Variants in CTNNA3 observed in about 807,000 individuals in gnomAD.
The protein encoded by CTNNA3 is catenin alpha-3.
Under a neutral mutation model 95.7 loss-of-function variants are expected in CTNNA3, and 76 were observed. The observed-to-expected ratio is 0.79, with a 90% CI of 0.66 to 0.96. The LOEUF is 0.96. Among genes scored for constraint, CTNNA3 ranks in the 40% least tolerant of loss-of-function variants. The probability of loss-of-function intolerance (pLI) is 0.00; values close to 1 mark genes in which losing one functional copy is unlikely to be tolerated. For missense variants in CTNNA3, 1,191 were observed against 1,089.8 expected, an observed-to-expected ratio of 1.09 and a Z score of -1.31; for synonymous variants, 431 against 374.4, an observed-to-expected ratio of 1.15 and a Z score of -1.74.
intron 12 of CTNNA3, among the ~76,000 whole-genome samples, chr10:66,293,045 GATATGT>G (rs2091712776): frequency 6.6e-6 from 1 of 151,950 alleles, no homozygotes; most frequent in Non-Finnish European, 1.5e-5. Flanking sequence ...TTTACTTATT[GATATGT>G]ATAAGTTTTG....
At chr10:66,761,778 A>T (rs886826819) in intron 9 of CTNNA3, among the ~76,000 whole-genome samples, 1 of 152,174 alleles carries the variant, frequency 6.6e-6, no homozygotes, top group East Asian at 1.9e-4. Context: ...TTGAATTGTC[A>T]GAAACTTTTT....
rs971604351 is a variant in CTNNA3 at position 66,073,407 on chromosome 10, CA to C, written c.1978-3919del. On this transcript the variant is annotated intron_variant, in intron 14 of 17. Transcript: ENST00000433211. ...CCATCACTGCTATGAAGATTACTTC[CA>C]AACAACCTCTTCAGTCCTGTTCTCC... is the stretch of plus-strand genomic sequence containing the variant. 1.9e-4 allele frequency among the ~76,000 whole-genome samples: 29 copies of C among 152,214 alleles called. No homozygotes were observed. In the South Asian group the frequency reaches 2.3e-3, roughly 12 times the overall value.
At chr10:66,514,893 T>C (rs2132003328) in intron 11 of CTNNA3, among the ~76,000 whole-genome samples, 1 of 152,232 alleles carries the variant, frequency 6.6e-6, no homozygotes, top group Admixed American at 6.5e-5. Flanking sequence ...TTAACTATCA[T>C]GAGACATTTG....
chr10:66,228,394 A>T lies in CTNNA3; in HGVS notation c.1884+52076T>A, dbSNP rs547096859. On this transcript the variant is annotated intron_variant, in intron 13 of 17. Coordinates refer to ENST00000433211, the MANE Select transcript of CTNNA3 (RefSeq NM_013266.4). ...TTCATTTCTTTGAAGAAATTTCTTC[A>T]TGTTCTTCTTAATTTTTTATTAACT... 4.6e-5 allele frequency among the ~76,000 whole-genome samples: 7 copies of T among 151,976 alleles called. No individual in the cohort carries two copies. The South Asian group carries it at 1.5e-3, about 31-fold the overall frequency.
chr10:66,706,165 A>G lies in CTNNA3; in HGVS notation c.1281+60099T>C, dbSNP rs1163582796. 2.0e-5 allele frequency among the ~76,000 whole-genome samples: 3 copies of G among 152,030 alleles called. No individual in the cohort carries two copies. In the East Asian group the frequency reaches 5.8e-4, roughly 29 times the overall value. ...TCCCCAGGTTTACTACTGCCTACAA[A>G]AAACAATGGAAATTCTTCAGTCTAT... is the stretch of plus-strand genomic sequence containing the variant. On this transcript the variant is annotated intron_variant, in intron 9 of 17. Coordinates refer to ENST00000433211, the MANE Select transcript of CTNNA3 (RefSeq NM_013266.4).
At chr10:67,555,825 C>A (rs1444337988) in intron 3 of CTNNA3, among the ~76,000 whole-genome samples, 1 of 152,154 alleles carries the variant, frequency 6.6e-6, no homozygotes, top group African/African-American at 2.4e-5. Context: ...GCATCCCTGT[C>A]TTGTGCCAGT....
intron 11 of CTNNA3, among the ~76,000 whole-genome samples, chr10:66,465,451 A>T (rs1287107703): frequency 6.6e-6 from 1 of 152,162 alleles, no homozygotes; most frequent in Admixed American, 6.6e-5. Context: ...TAAAATTTCT[A>T]TATCACATTA....
chr10:66,589,156 C>A (rs1413615130), intron 10 of CTNNA3, among the ~76,000 whole-genome samples: 1 of 151,770 alleles, frequency 6.6e-6, no homozygotes, highest in Non-Finnish European at 1.5e-5. Context: ...AAGTTGGTTT[C>A]CTTTATAGTT....
At chr10:66,567,390 A>C (rs1342082161) in intron 10 of CTNNA3, among the ~76,000 whole-genome samples, 1 of 152,048 alleles carries the variant, frequency 6.6e-6, no homozygotes, top group Non-Finnish European at 1.5e-5. Flanking sequence ...GGGCCAAGGC[A>C]GGAGAATTGC....
At chr10:66,467,514 AGTGACTG>A (rs1838966906) in intron 11 of CTNNA3, among the ~76,000 whole-genome samples, 1 of 152,036 alleles carries the variant, frequency 6.6e-6, no homozygotes, top group African/African-American at 2.4e-5. Flanking sequence ...TTTCCTTGCC[AGTGACTG>A]GTTTAAGAAC....
At chr10:66,519,344 A>T (rs973559040) in intron 11 of CTNNA3, among the ~76,000 whole-genome samples, 1 of 151,962 alleles carries the variant, frequency 6.6e-6, no homozygotes, top group East Asian at 1.9e-4. Flanking sequence ...TGTTGTAGTT[A>T]GATATTTAGA....
intron 7 of CTNNA3, among the ~76,000 whole-genome samples, chr10:66,783,125 C>A (rs946916016): frequency 3.9e-5 from 6 of 152,134 alleles, no homozygotes; most frequent in African/African-American, 1.4e-4. Flanking sequence ...TACACTCCAG[C>A]TTGTTGCCTG....
intron 9 of CTNNA3, among the ~76,000 whole-genome samples, chr10:66,758,548 T>A (rs1443093786): frequency 6.6e-6 from 1 of 152,152 alleles, no homozygotes; most frequent in Non-Finnish European, 1.5e-5. Context: ...AGTTAGCATG[T>A]TTGCTTGTTA....
intron 11 of CTNNA3, among the ~76,000 whole-genome samples, chr10:66,482,075 A>T (rs1281244401): frequency 6.6e-6 from 1 of 152,186 alleles, no homozygotes; most frequent in Non-Finnish European, 1.5e-5. Context: ...GATATATTCT[A>T]GCTGAAAGTA....
intron 7 of CTNNA3, among the ~76,000 whole-genome samples, chr10:67,152,412 A>G (rs1589799663): frequency 6.6e-6 from 1 of 152,368 alleles, no homozygotes; most frequent in Middle Eastern, 3.4e-3. Flanking sequence ...AACACCATTG[A>G]TAGAAATCAA....
chr10:66,203,434 C>A (rs1355665500), intron 13 of CTNNA3, among the ~76,000 whole-genome samples: 2 of 151,888 alleles, frequency 1.3e-5, no homozygotes, highest in Non-Finnish European at 2.9e-5. Context: ...AAGGATTTTT[C>A]TGAGTTTTCA....
chr10:66,733,393 C>A (rs1849026830), intron 9 of CTNNA3, among the ~76,000 whole-genome samples: 1 of 151,758 alleles, frequency 6.6e-6, no homozygotes, highest in African/African-American at 2.4e-5. Context: ...TATGATTTTT[C>A]TTATTGTTTT....
chr10:67,579,217 T>C (rs1589448022), intron 3 of CTNNA3, among the ~76,000 whole-genome samples: 1 of 54,970 alleles, frequency 1.8e-5, no homozygotes, highest in African/African-American at 1.2e-4. Context: ...CCCCACCCCA[T>C]AACAGGCCCC....
At chr10:66,572,315 G>A (rs972135602) in intron 10 of CTNNA3, among the ~76,000 whole-genome samples, 15 of 151,498 alleles carry the variant, frequency 9.9e-5, no homozygotes, top group South Asian at 2.1e-4. Context: ...CCCGGGAGGC[G>A]GAGGTTACAG....
Sources: allele counts gnomAD v4.1 joint callset (sites outside exome capture counted in the v4.1 genomes callset), GRCh38; gene constraint gnomAD v4.1.1; transcripts MANE v1.5; gene names NCBI Gene and HGNC (gene_info 2026-07-23, HGNC 2026-07-21).